ARHGEF11: variants seen among roughly 807,000 people sequenced by gnomAD.
ARHGEF11 encodes Rho guanine exchange factor (GEF) 11.
ARHGEF11 carries 55 observed loss-of-function variants against 193.7 expected under a neutral mutation model. That is an observed-to-expected ratio of 0.28 (90% CI 0.23 to 0.36). The LOEUF is 0.36. ARHGEF11 is among the 10% of genes least tolerant of loss of function. The pLI, the probability that ARHGEF11 is intolerant of heterozygous loss-of-function variation, is 1.00. For missense variants in ARHGEF11, 1,723 were observed against 2,005.6 expected, an observed-to-expected ratio of 0.86 and a Z score of 2.69; for synonymous variants, 693 against 768.0, an observed-to-expected ratio of 0.90 and a Z score of 1.62.
At chr1:157,041,161 C>T (rs1012377544) in intron 1 of ARHGEF11, among the ~76,000 whole-genome samples, 4 of 152,288 alleles carry the variant, frequency 2.6e-5, no homozygotes, top group Admixed American at 6.5e-5. Context: ...CATGGGGGAA[C>T]CAGGCTAACA....
intron 7 of ARHGEF11, among the ~76,000 whole-genome samples, chr1:156,973,517 G>A (rs1662818065): frequency 6.6e-6 from 1 of 152,146 alleles, no homozygotes; most frequent in Non-Finnish European, 1.5e-5. Context: ...TTCATACTGA[G>A]GATATCCGAA....
chr1:157,002,450 G>A (rs1245158670), intron 1 of ARHGEF11, among the ~76,000 whole-genome samples: 1 of 152,118 alleles, frequency 6.6e-6, no homozygotes, highest in African/African-American at 2.4e-5. Flanking sequence ...TTGCCCTTCA[G>A]CCCACTTTTC....
intron 1 of ARHGEF11, among the ~76,000 whole-genome samples, chr1:157,031,828 G>A (rs1458460828): frequency 6.6e-6 from 1 of 152,180 alleles, no homozygotes; most frequent in Non-Finnish European, 1.5e-5. Flanking sequence ...ATCACTCTGT[G>A]GAAGCATGTT....
intron 1 of ARHGEF11, among the ~76,000 whole-genome samples, chr1:157,017,443 C>A (rs1669386456): frequency 6.6e-6 from 1 of 152,176 alleles, no homozygotes; most frequent in South Asian, 2.1e-4. Context: ...CGCAGTGGCT[C>A]ATGCCTGCAA....
At chr1:156,969,189 G>A in intron 10 of ARHGEF11, 93 bp downstream of exon 10, 2 of 997,458 alleles carry the variant, frequency 2.0e-6, no homozygotes, top group Non-Finnish European at 3.1e-6. Context: ...GGCACACAGA[G>A]GCCTCAGTGC....
intron 1 of ARHGEF11, among the ~76,000 whole-genome samples, chr1:157,039,078 G>A (rs752220506): frequency 3.9e-5 from 6 of 152,132 alleles, no homozygotes; most frequent in Non-Finnish European, 8.8e-5. Context: ...AGGGGCCATG[G>A]ATTTCTCAGT....
chr1:157,029,295 A>C (rs1249166315), intron 1 of ARHGEF11, among the ~76,000 whole-genome samples: 2 of 142,622 alleles, frequency 1.4e-5, no homozygotes, highest in Admixed American at 1.4e-4. Flanking sequence ...TTTGAGACAG[A>C]GTCTTGCTCT....
chr1:156,958,842 C>G lies in ARHGEF11; in HGVS notation c.1402G>C (p.Gly468Arg), dbSNP rs754863900. The change falls in exon 17 of 41, where the codon GGC (glycine) becomes CGC (arginine). Residue 468 changes from glycine to arginine, a missense_variant. Gly to Arg is a moderately radical substitution (Grantham distance 125, BLOSUM62 -2). This residue lies in a region of ARHGEF11 where 646 missense variants were observed against 710.7 expected (regional missense o/e 0.91). Transcript: ENST00000368194. ...DYRTKRTLGL[G>R]SLYGENDLLD... is the part of the protein sequence containing the mutation. ...AGGTCATTTTCACCATACAGGCTGC[C>G]CAGCCCCAGTGTGCGCTTCGTTCTA... 1 of 1,614,178 alleles carries G rather than the reference C, an allele frequency of 6.2e-7. No individual in the cohort carries two copies. The highest frequency in any genetic ancestry group is 1.7e-5 in the Admixed American group (1 of 60,014).
intron 20 of ARHGEF11, among the ~76,000 whole-genome samples, chr1:156,955,343 A>G (rs1659791722): frequency 6.6e-6 from 1 of 152,180 alleles, no homozygotes; most frequent in South Asian, 2.1e-4. Flanking sequence ...ATACTACTGT[A>G]GTCTTGTGTG....
Position 156,942,739 on chromosome 1 carries a change from G to C in ARHGEF11, c.3277C>G (p.Pro1093Ala). 1 of 1,614,140 alleles carries C rather than the reference G, an allele frequency of 6.2e-7. No homozygotes were observed. Among genetic ancestry groups the C allele is most frequent in the Non-Finnish European group, 8.5e-7 (1 of 1,179,978 alleles). Residue 1093 changes from proline (P) to alanine (A), a missense_variant, in exon 33 of 41, where the codon CCA (proline) becomes GCA (alanine). Physicochemically the swap from Pro to Ala is conservative, Grantham distance 27 (BLOSUM62 -1). Transcript: ENST00000368194. Reference sequence around the variant, plus strand: ...GCAACCAGCTCATAGATCTGGGGTGGGCCCAGCTTGGAGGTGCAGATGATG... The same window carrying C: ...GCAACCAGCTCATAGATCTGGGGTGCGCCCAGCTTGGAGGTGCAGATGATG... The part of the protein sequence containing the change: ...FFIICTSKLG[P>A]PQIYELVALT...
intron 11 of ARHGEF11, among the ~76,000 whole-genome samples, chr1:156,964,186 T>G (rs747464138): frequency 6.6e-6 from 1 of 152,198 alleles, no homozygotes; most frequent in African/African-American, 2.4e-5. Flanking sequence ...CTGTGTTAGA[T>G]CCCCATTACC....
chr1:157,035,712 T>C (rs1483725664), intron 1 of ARHGEF11, among the ~76,000 whole-genome samples: 2 of 150,888 alleles, frequency 1.3e-5, no homozygotes, highest in Non-Finnish European at 2.9e-5. Flanking sequence ...TAGAATGATT[T>C]CCACATAGAT....
intron 1 of ARHGEF11, among the ~76,000 whole-genome samples, chr1:157,039,300 T>TA (rs1672443119): frequency 6.6e-6 from 1 of 152,228 alleles, no homozygotes; most frequent in South Asian, 2.1e-4. Flanking sequence ...AATCAAATCT[T>TA]AGAGGCTGGC....
rs1320754898 is a variant in ARHGEF11, at chr1:156,937,460, G to A, written c.4229C>T (p.Pro1410Leu). Residue 1410 changes from proline (P) to leucine (L), a missense_variant, in exon 39 of 41, where the codon CCG becomes CTG. Pro to Leu is a moderately conservative substitution (Grantham distance 98). Coordinates refer to ENST00000368194, the MANE Select transcript of ARHGEF11 (RefSeq NM_198236.3). ...CTCTGAGTGGTCGGTGCTTGAGTCC[G>A]GGGGTCCTGATGGCATGCTGACATA... ...CFYVSMPSGPPDSSTDHSEAP... is the reference protein window; with the variant it reads ...CFYVSMPSGPLDSSTDHSEAP... 22 of 1,541,484 alleles carry A rather than the reference G, an allele frequency of 1.4e-5. No homozygotes were observed. Among genetic ancestry groups the A allele is most frequent in the African/African-American group, 4.2e-5 (3 of 72,244 alleles).
intron 1 of ARHGEF11, among the ~76,000 whole-genome samples, chr1:157,008,675 G>A (rs777870631): frequency 6.6e-6 from 1 of 152,214 alleles, no homozygotes; most frequent in Non-Finnish European, 1.5e-5. Context: ...TCCTATTCCA[G>A]GAGGACGGTG....
intron 1 of ARHGEF11, among the ~76,000 whole-genome samples, chr1:157,036,708 T>C (rs1261334471): frequency 6.6e-6 from 1 of 152,212 alleles, no homozygotes; most frequent in African/African-American, 2.4e-5. Flanking sequence ...GAAGGTTAAG[T>C]ATCCACTGTA....
chr1:157,042,970 AAGG>A (rs1377730515), intron 1 of ARHGEF11, among the ~76,000 whole-genome samples: 1 of 152,180 alleles, frequency 6.6e-6, no homozygotes, highest in African/African-American at 2.4e-5. Context: ...AGAAAGGAGG[AAGG>A]AGGTCTGAAC....
chr1:157,031,136 G>A (rs951451720), intron 1 of ARHGEF11, among the ~76,000 whole-genome samples: 1 of 152,172 alleles, frequency 6.6e-6, no homozygotes, highest in Non-Finnish European at 1.5e-5. Context: ...CCAGCAGAGT[G>A]AAAGTTCCAG....
At chr1:157,036,353 G>C (rs1236804653) in intron 1 of ARHGEF11, among the ~76,000 whole-genome samples, 5 of 151,416 alleles carry the variant, frequency 3.3e-5, no homozygotes. Flanking sequence ...GCAGAGTCTT[G>C]CTCTGTCACC....
Sources: allele counts gnomAD v4.1 joint callset (sites outside exome capture counted in the v4.1 genomes callset), GRCh38; gene constraint gnomAD v4.1.1; regional missense constraint gnomAD v4.1.1; transcripts MANE v1.5; gene names NCBI Gene and HGNC (gene_info 2026-07-23, HGNC 2026-07-21).